Variants in THSD7B observed in about 807,000 individuals in gnomAD.
THSD7B encodes the protein thrombospondin type-1 domain-containing protein 7B.
Under a neutral mutation model 213.6 loss-of-function variants are expected in THSD7B, and 138 were observed. That is an observed-to-expected ratio of 0.65 (90% CI 0.56 to 0.74). The LOEUF (loss-of-function observed/expected upper bound fraction) is 0.74. Ranked by LOEUF, THSD7B falls within the 30% of genes least tolerant of loss-of-function variation. THSD7B has a pLI of 0.00. For missense variants in THSD7B, 1,931 were observed against 1,991.5 expected, an observed-to-expected ratio of 0.97 and a Z score of 0.58; for synonymous variants, 742 against 687.0, an observed-to-expected ratio of 1.08 and a Z score of -1.25.
chr2:137,491,342 A>G (rs1688602445), intron 15 of THSD7B, among the ~76,000 whole-genome samples: 2 of 152,210 alleles, frequency 1.3e-5, no homozygotes, highest in Admixed American at 1.3e-4. Context: ...GGAAAAGACT[A>G]TCAGGAATTA....
Position 137,662,880 on chromosome 2 carries a change from C to A in THSD7B, c.4459-503C>A, listed in dbSNP as rs558871443. ...GACCAGCCTGGCCAACATGGTGAAA[C>A]CCTGTTTCTATTAAAAGAACAAAAA... On this transcript the variant is annotated intron_variant, in intron 25 of 27. Coordinates refer to ENST00000409968, the MANE Select transcript of THSD7B (RefSeq NM_001316349.2). 9.1e-4 allele frequency among the ~76,000 whole-genome samples: 139 copies of A among 152,026 alleles called. 1 individual carries two copies. The highest frequency in any genetic ancestry group is 6.8e-3 in the Middle Eastern group (2 of 294).
At chr2:136,822,727 C>A (rs1034131397) in intron 1 of THSD7B, among the ~76,000 whole-genome samples, 2 of 152,170 alleles carry the variant, frequency 1.3e-5, no homozygotes, top group African/African-American at 4.8e-5. Context: ...TGGCCCAGGG[C>A]ATACACTTTC....
At chr2:137,465,425 G>A (rs568576202) in intron 15 of THSD7B, among the ~76,000 whole-genome samples, 50 of 152,092 alleles carry the variant, frequency 3.3e-4, no homozygotes, top group African/African-American at 1.2e-3. Context: ...TCCTCTTCCT[G>A]GACCAATTAA....
intron 10 of THSD7B, among the ~76,000 whole-genome samples, chr2:137,262,006 TC>T (rs978353988): frequency 8.6e-5 from 13 of 150,494 alleles, no homozygotes; most frequent in African/African-American, 2.9e-4. Flanking sequence ...CAGCAAGTGG[TC>T]CAGTGATACA....
intron 1 of THSD7B, among the ~76,000 whole-genome samples, chr2:136,785,989 A>G (rs1472424307): frequency 6.6e-6 from 1 of 152,206 alleles, no homozygotes; most frequent in African/African-American, 2.4e-5. Flanking sequence ...GAGACAGAAA[A>G]AAGTTTAACT....
intron 2 of THSD7B, among the ~76,000 whole-genome samples, chr2:137,042,842 C>T (rs966730931): frequency 6.6e-6 from 1 of 152,160 alleles, no homozygotes; most frequent in Non-Finnish European, 1.5e-5. Flanking sequence ...ATTGTAAAGT[C>T]CCTCCGTAAT....
chr2:137,242,659 G>T, intron 10 of THSD7B, 87 bp downstream of exon 10: 1 of 885,160 alleles, frequency 1.1e-6, no homozygotes. Context: ...TGGAATGTGA[G>T]CACCTTTTTT....
rs1682380093 is a variant in THSD7B, at chr2:137,616,106, C to T, written c.3424-69C>T. On this transcript the variant is annotated intron_variant, in intron 17 of 27. Transcript: ENST00000409968. Reference sequence around the variant, plus strand: ...ATTGTTACATATGTGCCTACTTATACCTGTATATCTTATATAATTTATCAA... The same window carrying T: ...ATTGTTACATATGTGCCTACTTATATCTGTATATCTTATATAATTTATCAA... 2.0e-6 allele frequency: 3 copies of T among 1,529,800 alleles called. No homozygotes were observed. The East Asian group carries it at 6.8e-5, about 35-fold the overall frequency. The allele number at this position is 1,529,800 out of a possible 1,614,324, so 94.8% of individuals were successfully genotyped here. A position where few individuals can be genotyped will look rare whatever the true frequency, so the allele number is the denominator to read the frequency against.
In THSD7B at chr2:137,405,879, G is replaced by A. The variant is rs547412881; in HGVS notation, c.2695+72G>A. 4 of 1,376,310 alleles carry A rather than the reference G, an allele frequency of 2.9e-6. No individual in the cohort carries two copies. The South Asian group carries it at 4.5e-5, about 16-fold the overall frequency. 85.3% of individuals were successfully genotyped at this position (1,376,310 alleles called of 1,614,324 possible). A position where few individuals can be genotyped will look rare whatever the true frequency, so the allele number is the denominator to read the frequency against. On this transcript the variant is annotated intron_variant, in intron 13 of 27. Transcript: ENST00000409968. The stretch of plus-strand genomic sequence containing the variant: ...CTGGATCTTTTGTGTAGAATATGAG[G>A]TCCAAAGGACAGGAATTTGCATCAG...
chr2:137,574,477 A>G (rs1681418753), intron 17 of THSD7B, among the ~76,000 whole-genome samples: 1 of 152,112 alleles, frequency 6.6e-6, no homozygotes, highest in South Asian at 2.1e-4. Flanking sequence ...TATGACAATG[A>G]CAATACAGAC....
At chr2:136,895,676 G>C (rs765262852) in intron 2 of THSD7B, among the ~76,000 whole-genome samples, 2 of 151,622 alleles carry the variant, frequency 1.3e-5, no homozygotes, top group Non-Finnish European at 2.9e-5. Flanking sequence ...AAACTTTTTA[G>C]TACATTTATT....
intron 5 of THSD7B, among the ~76,000 whole-genome samples, chr2:137,139,397 A>T (rs1416199947): frequency 6.6e-6 from 1 of 152,196 alleles, no homozygotes; most frequent in Non-Finnish European, 1.5e-5. Flanking sequence ...ATCTAGAAGA[A>T]CACATTTCTG....
intron 22 of THSD7B, among the ~76,000 whole-genome samples, chr2:137,656,058 A>G (rs2104816817): frequency 6.6e-6 from 1 of 152,308 alleles, no homozygotes; most frequent in East Asian, 1.9e-4. Flanking sequence ...GCATGGTTGG[A>G]ACCAGTAAGG....
At chr2:137,016,554 T>C (rs1020550931) in intron 2 of THSD7B, among the ~76,000 whole-genome samples, 2 of 152,108 alleles carry the variant, frequency 1.3e-5, no homozygotes, top group African/African-American at 4.8e-5. Context: ...GCAGAGCCCC[T>C]AGCAGAGAAA....
intron 15 of THSD7B, among the ~76,000 whole-genome samples, chr2:137,538,035 C>T (rs955359210): frequency 1.3e-5 from 2 of 151,722 alleles, no homozygotes; most frequent in Non-Finnish European, 3.0e-5. Flanking sequence ...ATGGGATCCA[C>T]ATTCCAAGAG....
intron 7 of THSD7B, among the ~76,000 whole-genome samples, chr2:137,188,750 T>G (rs1464310296): frequency 6.6e-6 from 1 of 152,236 alleles, no homozygotes; most frequent in East Asian, 1.9e-4. Context: ...CCCAGTGTTC[T>G]GCAGTCCTTA....
intron 14 of THSD7B, among the ~76,000 whole-genome samples, chr2:137,445,288 T>G (rs1463517150): frequency 6.6e-6 from 1 of 151,950 alleles, no homozygotes; most frequent in Non-Finnish European, 1.5e-5. Flanking sequence ...AATCAATATA[T>G]CAAAGTATCA....
At chr2:136,876,671 A>C (rs775842942) in intron 1 of THSD7B, among the ~76,000 whole-genome samples, 3 of 152,214 alleles carry the variant, frequency 2.0e-5, no homozygotes, top group Non-Finnish European at 4.4e-5. Context: ...AATATCTATA[A>C]TCTAGTGTAT....
rs1454828709 is a variant in THSD7B at position 137,677,625 on chromosome 2, T to C, written c.*1020T>C. 6.6e-6 allele frequency: 1 copy of C among 152,642 alleles called. No individual in the cohort carries two copies. The allele number at this position is 152,642 out of a possible 1,614,324, so 9.5% of individuals were successfully genotyped here. On this transcript the variant is annotated 3_prime_UTR_variant, in exon 28 of 28. Transcript: ENST00000409968. ...AAAAGCTGAGACCATTTTATGAAGA[T>C]AATTGTTTGTAATCATAGGTGTTGA...
Sources: gnomAD v4.1 joint callset for allele counts (sites outside exome capture counted in the v4.1 genomes callset) on GRCh38, gnomAD v4.1.1 for gene constraint, MANE v1.5 for transcripts, NCBI Gene and HGNC (gene_info 2026-07-23, HGNC 2026-07-21) for gene names.